The following FZR1 variants were observed in gnomAD, a reference collection of about 807,000 sequenced individuals.
FZR1 encodes the protein fizzy and cell division cycle 20 related 1.
In FZR1, 11 loss-of-function variants were observed where a neutral mutation model predicts 63.6. The observed-to-expected ratio is 0.17, with a 90% confidence interval of 0.11 to 0.29. The LOEUF (loss-of-function observed/expected upper bound fraction) is 0.29. Among genes scored for constraint, FZR1 ranks in the 10% least tolerant of loss-of-function variants. The pLI is 1.00. For missense variants in FZR1, 440 were observed against 687.5 expected, an observed-to-expected ratio of 0.64 and a Z score of 4.03; for synonymous variants, 328 against 297.9, an observed-to-expected ratio of 1.10 and a Z score of -1.04.
chr19:3,517,166 G>C (rs909313642), intron 1 of FZR1, among the ~76,000 whole-genome samples: 1 of 152,100 alleles, frequency 6.6e-6, no homozygotes, highest in Non-Finnish European at 1.5e-5. Flanking sequence ...GAGGCAGGCA[G>C]ATTGCTTGAG....
chr19:3,510,982 C>T (rs1197189816), intron 1 of FZR1, among the ~76,000 whole-genome samples: 3 of 152,266 alleles, frequency 2.0e-5, no homozygotes, highest in East Asian at 1.9e-4. Flanking sequence ...CTATTGCTAC[C>T]GCCTCACCTC....
Position 3,514,411 on chromosome 19 carries a change from T to G in FZR1, c.-35+7937T>G, listed in dbSNP as rs1230229357. Among the ~76,000 whole-genome samples, 1 of 152,144 alleles carries G rather than the reference T, an allele frequency of 6.6e-6. No homozygotes were observed. The highest frequency in any genetic ancestry group is 1.9e-4 in the East Asian group (1 of 5,200). ...ATCGTTCTCTGGGGTGCGGCCGTCC[T>G]GGGCACTACAGGGTGCTGAGCAGCG... On this transcript the variant is annotated intron_variant, in intron 1 of 13. Coordinates refer to ENST00000441788, the MANE Select transcript of FZR1 (RefSeq NM_016263.4). The surrounding 1 kb of genome is among the most constrained non-coding windows in gnomAD (Gnocchi z 4.2).
chr19:3,507,356 C>T (rs1568227330), intron 1 of FZR1, among the ~76,000 whole-genome samples: 1 of 151,780 alleles, frequency 6.6e-6, no homozygotes, highest in African/African-American at 2.4e-5. Context: ...GCCGTTTTAC[C>T]CCTACTCAAA....
At position 3,526,837 on chromosome 19, in the gene FZR1, C is replaced by A; in HGVS notation, c.388-143C>A. On this transcript the variant is annotated intron_variant, in intron 5 of 13. Transcript: ENST00000441788. The surrounding 1 kb of genome is among the most constrained non-coding windows in gnomAD (Gnocchi z 5.4). The stretch of plus-strand genomic sequence containing the variant: ...GTCCGCAGTCCCCGCCAGGAAGGCG[C>A]CTGCCTTTTTACAGCTGCTCCACAC... 1 of 644,312 alleles carries A rather than the reference C, an allele frequency of 1.6e-6. No homozygotes were observed. Among genetic ancestry groups the A allele is most frequent in the African/African-American group, 1.8e-5 (1 of 55,288 alleles). The allele number at this position is 644,312 out of a possible 1,614,324, so 39.9% of individuals were successfully genotyped here. A position where few individuals can be genotyped will look rare whatever the true frequency, so the allele number is the denominator to read the frequency against.
chr19:3,531,988 C>T lies in FZR1; in HGVS notation c.901C>T (p.Pro301Ser). The T allele has an allele frequency of 6.3e-7, 1 of 1,575,464 alleles. No individual in the cohort carries two copies. The highest frequency in any genetic ancestry group is 8.6e-7 in the Non-Finnish European group (1 of 1,166,282). ...RMILQRDIRTPPLQSERRLQG... is the reference protein window; with the variant it reads ...RMILQRDIRTSPLQSERRLQG... ...GATCCTGCAGAGGGACATCCGCACC[C>T]CGCCACTGCAGTCGGAGCGGCGGCT... is the stretch of plus-strand genomic sequence containing the variant. Residue 301 changes from proline (P) to serine (S), a missense_variant, in exon 10 of 14, where the codon CCG (proline) becomes TCG (serine). By Grantham distance (74) the Pro-to-Ser change is moderately conservative. This residue lies in a region of FZR1 where 208 missense variants were observed against 363.6 expected (regional missense o/e 0.57). Transcript: ENST00000441788.
chr19:3,518,725 A>G (rs2083077196), intron 1 of FZR1, among the ~76,000 whole-genome samples: 1 of 152,196 alleles, frequency 6.6e-6, no homozygotes, highest in Admixed American at 6.5e-5. Flanking sequence ...TTTAGCAGGC[A>G]TGGTGGTGCA....
At position 3,537,737 on chromosome 19, in the gene FZR1, G is replaced by T. The variant is rs2030035287; in HGVS notation, c.*2901G>T. On this transcript the variant is annotated 3_prime_UTR_variant, in exon 14 of 14. Coordinates refer to ENST00000441788, the MANE Select transcript of FZR1 (RefSeq NM_016263.4). ...CTGAGAAGAGGGTGAAGGAGCTGGG[G>T]CAGGCCCCATCCTGGGCATTGGAGA... 1 of 152,736 alleles carries T rather than the reference G, an allele frequency of 6.5e-6. No individual in the cohort carries two copies. Among genetic ancestry groups the T allele is most frequent in the Non-Finnish European group, 1.5e-5 (1 of 68,476 alleles). The allele number at this position is 152,736 out of a possible 1,614,324, so 9.5% of individuals were successfully genotyped here. A position where few individuals can be genotyped will look rare whatever the true frequency, so the allele number is the denominator to read the frequency against.
intron 7 of FZR1, 64 bp downstream of exon 7, chr19:3,527,878 T>A: frequency 7.8e-7 from 1 of 1,281,870 alleles, no homozygotes; most frequent in Non-Finnish European, 1.1e-6. Context: ...GACCTCAATG[T>A]ACCCACCGGG....
Position 3,526,203 on chromosome 19 carries a change from C to T in FZR1, c.259+20C>T, listed in dbSNP as rs199976578. On this transcript the variant is annotated intron_variant, in intron 4 of 13. Transcript: ENST00000441788. The surrounding 1 kb of genome is among the most constrained non-coding windows in gnomAD (Gnocchi z 5.4). The stretch of plus-strand genomic sequence containing the variant: ...GCAAAGGTTAGGGTCCCAGCCCATC[C>T]GCCCTGCAGGCCCCCACCCTGCCTT... The T allele has an allele frequency of 1.2e-4, 190 of 1,612,086 alleles. No homozygotes were observed. In the Admixed American group the frequency reaches 2.8e-3, roughly 24 times the overall value.
Position 3,525,910 on chromosome 19 carries a change from G to T in FZR1, c.112G>T (p.Val38Leu), listed in dbSNP as rs1274529465. 6.2e-7 allele frequency: 1 copy of T among 1,612,324 alleles called. No individual in the cohort carries two copies. Among genetic ancestry groups the T allele is most frequent in the Non-Finnish European group, 8.5e-7 (1 of 1,179,942 alleles). Reference sequence around the variant, plus strand: ...GACCCTGACGCCTGCCAGCTCCCCAGTGTCCTCGCCCAGCAAGCACGGAGA... The same window carrying T: ...GACCCTGACGCCTGCCAGCTCCCCATTGTCCTCGCCCAGCAAGCACGGAGA... Reference protein sequence around the residue: ...RRTLTPASSPVSSPSKHGDRF... With the variant: ...RRTLTPASSPLSSPSKHGDRF... The change falls in exon 3 of 14, where the codon GTG becomes TTG. Residue 38 changes from valine to leucine, a missense_variant. Coordinates refer to ENST00000441788, the MANE Select transcript of FZR1 (RefSeq NM_016263.4). This position sits in a 1 kb window ranked among gnomAD's most constrained non-coding sequence, Gnocchi z 4.2.
chr19:3,532,748 A>G (rs1282076555), intron 11 of FZR1, 98 bp downstream of exon 11: 1 of 842,316 alleles, frequency 1.2e-6, no homozygotes, highest in Non-Finnish European at 1.9e-6. Flanking sequence ...GAGATGGGTC[A>G]GAGTCGCTCT....
intron 1 of FZR1, 21 bp from the exon 2 acceptor site, chr19:3,522,935 C>A (rs1385376079): frequency 2.3e-6 from 3 of 1,292,610 alleles, no homozygotes; most frequent in Admixed American, 3.4e-5. Flanking sequence ...CCACTCACCT[C>A]TCCTGCCCTT....
intron 1 of FZR1, among the ~76,000 whole-genome samples, chr19:3,512,006 T>C (rs1419748838): frequency 1.3e-5 from 2 of 152,120 alleles, no homozygotes; most frequent in African/African-American, 4.8e-5. Flanking sequence ...CTCCCCTGTG[T>C]CAGTCCACCC....
At chr19:3,530,251 T>TGAGCGGATGGGAGAGCGGATGGGA in intron 7 of FZR1, among the ~76,000 whole-genome samples, 1 of 68,908 alleles carries the variant, frequency 1.5e-5, no homozygotes, top group African/African-American at 6.2e-5. Context: ...AGCAGATGGG[T>TGAGCGGATGGGAGAGCGGATGGGA]GAGCGGATGG....
Position 3,523,074 on chromosome 19 carries a change from C to G in FZR1, c.69+16C>G. On this transcript the variant is annotated intron_variant, in intron 2 of 13. Transcript: ENST00000441788. ...GATGCCACGCGTGAGTGCCCCCGCC[C>G]TGCCCACCACTGTGGCTCCCCCTCC... 6.6e-7 allele frequency: 1 copy of G among 1,513,942 alleles called. No homozygotes were observed. The highest frequency in any genetic ancestry group is 9.2e-7 in the Non-Finnish European group (1 of 1,089,712). 93.8% of individuals were successfully genotyped at this position (1,513,942 alleles called of 1,614,324 possible).
intron 7 of FZR1, among the ~76,000 whole-genome samples, chr19:3,528,792 AGAGTGGATGGGTACGTGGATGGGT>A (rs2083191935): frequency 9.2e-6 from 1 of 108,922 alleles, no homozygotes; most frequent in Non-Finnish European, 1.9e-5. Flanking sequence ...CGTGGATGGG[AGAGTGGATGGGTACGTGGATGGGT>A]GAGTGGATGG....
intron 7 of FZR1, among the ~76,000 whole-genome samples, chr19:3,529,229 G>A (rs1181441187): frequency 2.1e-5 from 3 of 142,566 alleles, no homozygotes; most frequent in African/African-American, 7.9e-5. Flanking sequence ...TGAGCGGATG[G>A]GAGAGCGGAT....
At chr19:3,527,896 G>A (rs919347539) in intron 7 of FZR1, 82 bp downstream of exon 7, 19 of 1,169,580 alleles carry the variant, frequency 1.6e-5, no homozygotes, top group Non-Finnish European at 2.3e-5. Flanking sequence ...GGGATCCAGG[G>A]AGCATCAGTA....
intron 1 of FZR1, among the ~76,000 whole-genome samples, chr19:3,520,409 G>C (rs2083091284): frequency 6.6e-6 from 1 of 152,194 alleles, no homozygotes; most frequent in African/African-American, 2.4e-5. Flanking sequence ...ATGTGCTTTG[G>C]GCTGAGCCAT....
Sources: gnomAD v4.1 joint callset for allele counts (sites outside exome capture counted in the v4.1 genomes callset) on GRCh38, gnomAD v4.1.1 for gene constraint, gnomAD v4.1.1 regional missense constraint, Gnocchi (gnomAD v3.1) non-coding constraint, MANE v1.5 for transcripts, NCBI Gene and HGNC (gene_info 2026-07-23, HGNC 2026-07-21) for gene names.